AGPS: variants seen among roughly 807,000 people sequenced by gnomAD.
The protein encoded by AGPS is alkylglycerone phosphate synthase.
AGPS carries 26 observed loss-of-function variants against 90.7 expected under a neutral mutation model. The observed-to-expected ratio is 0.29, with a 90% CI of 0.21 to 0.40. The LOEUF is 0.40. Ranked by LOEUF, AGPS falls within the 10% of genes least tolerant of loss-of-function variation. The pLI, the probability that AGPS is intolerant of heterozygous loss-of-function variation, is 1.00. For missense variants in AGPS, 540 were observed against 816.1 expected, an observed-to-expected ratio of 0.66 and a Z score of 4.12; for synonymous variants, 294 against 285.3, an observed-to-expected ratio of 1.03 and a Z score of -0.31.
intron 11 of AGPS, among the ~76,000 whole-genome samples, chr2:177,484,332 C>T (rs1688033112): frequency 6.6e-6 from 1 of 151,866 alleles, no homozygotes; most frequent in East Asian, 1.9e-4. Context: ...ATTCCCCCCA[C>T]AAAAAGTGTG....
intron 19 of AGPS, among the ~76,000 whole-genome samples, chr2:177,524,336 A>G (rs1012596606): frequency 3.9e-5 from 6 of 152,180 alleles, no homozygotes; most frequent in Non-Finnish European, 8.8e-5. Context: ...TGTTGTCAGA[A>G]TTTATCACAT....
intron 2 of AGPS, among the ~76,000 whole-genome samples, chr2:177,429,666 A>G (rs1686182177): frequency 1.3e-5 from 2 of 152,212 alleles, no homozygotes; most frequent in African/African-American, 4.8e-5. Context: ...GTGAAACAGC[A>G]AAGATGGCAG....
intron 1 of AGPS, among the ~76,000 whole-genome samples, chr2:177,420,052 T>G (rs930251496): frequency 6.6e-6 from 1 of 152,008 alleles, no homozygotes; most frequent in South Asian, 2.1e-4. Flanking sequence ...TTATTGGTTG[T>G]AGCCCTCTGT....
At chr2:177,418,171 G>A (rs1170615507) in intron 1 of AGPS, among the ~76,000 whole-genome samples, 1 of 152,054 alleles carries the variant, frequency 6.6e-6, no homozygotes, top group African/African-American at 2.4e-5. Flanking sequence ...AGAGAAAAAG[G>A]TACCTACAGT....
intron 1 of AGPS, among the ~76,000 whole-genome samples, chr2:177,408,710 C>T (rs904412840): frequency 1.3e-5 from 2 of 152,230 alleles, no homozygotes; most frequent in African/African-American, 4.8e-5. Flanking sequence ...TTTTTCCTTT[C>T]CGTTTCTCTC....
chr2:177,525,517 TA>T (rs1008919010), intron 19 of AGPS, among the ~76,000 whole-genome samples: 19 of 152,188 alleles, frequency 1.2e-4, no homozygotes, highest in African/African-American at 4.6e-4. Context: ...CTTTCTCTTT[TA>T]AAATCAAGAA....
In AGPS at chr2:177,433,094, C is replaced by A. The variant is rs185663104; in HGVS notation, c.351-1233C>A. On this transcript the variant is annotated intron_variant, in intron 2 of 19. Transcript: ENST00000264167. Reference sequence around the variant, plus strand: ...GGTTTGGTGTCCAAACTACAGGACTCCTTTAAGAGAGTGAAAGGATAAATC... The same window carrying A: ...GGTTTGGTGTCCAAACTACAGGACTACTTTAAGAGAGTGAAAGGATAAATC... 1.5e-4 allele frequency among the ~76,000 whole-genome samples: 23 copies of A among 152,172 alleles called. No homozygotes were observed. The East Asian group carries it at 3.7e-3, about 24-fold the overall frequency.
At chr2:177,479,834 C>T (rs897032944) in intron 10 of AGPS, among the ~76,000 whole-genome samples, 1 of 152,090 alleles carries the variant, frequency 6.6e-6, no homozygotes, top group Non-Finnish European at 1.5e-5. Context: ...TGAAAATGTT[C>T]TAAACTTAGA....
intron 1 of AGPS, among the ~76,000 whole-genome samples, chr2:177,396,658 A>T (rs1339936335): frequency 6.6e-6 from 1 of 152,228 alleles, no homozygotes; most frequent in Non-Finnish European, 1.5e-5. Flanking sequence ...ATAGGCGAGA[A>T]ATAATGAAGA....
At chr2:177,420,879 A>T (rs951443308) in intron 2 of AGPS, among the ~76,000 whole-genome samples, 2 of 151,910 alleles carry the variant, frequency 1.3e-5, no homozygotes, top group African/African-American at 2.4e-5. Context: ...ATAGTATTTT[A>T]AAAAATTAGC....
At chr2:177,488,032 A>C (rs555618878) in intron 11 of AGPS, among the ~76,000 whole-genome samples, 17 of 152,280 alleles carry the variant, frequency 1.1e-4, no homozygotes, top group Admixed American at 2.0e-4. Flanking sequence ...TCCTAGCTGT[A>C]AGTCAGTATG....
intron 1 of AGPS, among the ~76,000 whole-genome samples, chr2:177,413,790 T>A (rs1685707041): frequency 6.6e-6 from 1 of 152,188 alleles, no homozygotes; most frequent in Non-Finnish European, 1.5e-5. Flanking sequence ...CTTGTGTGAG[T>A]GGATATGTGG....
chr2:177,468,533 A>C lies in AGPS; in HGVS notation c.1105+9A>C. ...CATCATGGGATCTGAAGGTAAATAT[A>C]ACTGTAAATTTATTAAGAAAAAATA... On this transcript the variant is annotated intron_variant, in intron 10 of 19. Transcript: ENST00000264167. The C allele has an allele frequency of 6.3e-7, 1 of 1,580,586 alleles. No individual in the cohort carries two copies. The highest frequency in any genetic ancestry group is 8.7e-7 in the Non-Finnish European group (1 of 1,150,110).
chr2:177,491,170 C>T (rs1398943316), intron 11 of AGPS, among the ~76,000 whole-genome samples: 1 of 151,582 alleles, frequency 6.6e-6, no homozygotes, highest in African/African-American at 2.4e-5. Flanking sequence ...GCAGACTTTA[C>T]AGCACTTAAC....
rs1480465496 is a variant in AGPS, at chr2:177,541,891, A to T, written c.*3696A>T. The T allele has an allele frequency of 6.6e-6, 1 of 152,188 alleles. No individual in the cohort carries two copies. Among genetic ancestry groups the T allele is most frequent in the Non-Finnish European group, 1.5e-5 (1 of 68,018 alleles). The allele number at this position is 152,188 out of a possible 1,614,324, so 9.4% of individuals were successfully genotyped here. On this transcript the variant is annotated 3_prime_UTR_variant, in exon 20 of 20. Coordinates refer to ENST00000264167, the MANE Select transcript of AGPS (RefSeq NM_003659.4). Reference sequence around the variant, plus strand: ...AGGTTTTCTTAAACTGTTAAAATATAGTGTCTGATATAAAGGATGTAAGTT... The same window carrying T: ...AGGTTTTCTTAAACTGTTAAAATATTGTGTCTGATATAAAGGATGTAAGTT...
At chr2:177,420,512 A>G (rs983069093) in intron 2 of AGPS, among the ~76,000 whole-genome samples, 154 bp downstream of exon 2, 2 of 151,682 alleles carry the variant, frequency 1.3e-5, no homozygotes, top group Middle Eastern at 3.2e-3. Flanking sequence ...TAATATTTCA[A>G]ATTCTGATGT....
At chr2:177,416,331 C>T (rs952001956) in intron 1 of AGPS, among the ~76,000 whole-genome samples, 1 of 152,146 alleles carries the variant, frequency 6.6e-6, no homozygotes, top group Non-Finnish European at 1.5e-5. Context: ...ACATCATGTA[C>T]ATATCATGGG....
intron 10 of AGPS, among the ~76,000 whole-genome samples, chr2:177,473,566 G>A (rs1687689247): frequency 6.6e-6 from 1 of 151,942 alleles, no homozygotes; most frequent in Admixed American, 6.6e-5. Context: ...TGAATATAAA[G>A]TACTGGCATA....
intron 18 of AGPS, 69 bp from the exon 19 acceptor site, chr2:177,523,679 G>T: frequency 7.7e-7 from 1 of 1,304,204 alleles, no homozygotes; most frequent in Non-Finnish European, 1.1e-6. Context: ...TTTGGGAGTT[G>T]GGTCTTTTTC....
Sources: gnomAD v4.1 joint callset for allele counts (sites outside exome capture counted in the v4.1 genomes callset) on GRCh38, gnomAD v4.1.1 for gene constraint, MANE v1.5 for transcripts, NCBI Gene and HGNC (gene_info 2026-07-23, HGNC 2026-07-21) for gene names.